Variants in ST3GAL3 observed in about 807,000 individuals in gnomAD.
ST3GAL3 encodes ST3 beta-galactoside alpha-2,3-sialyltransferase 3.
In ST3GAL3, 21 loss-of-function variants were observed where a neutral mutation model predicts 50.1. The ratio of observed to expected loss-of-function variants is 0.42; its 90% CI spans 0.30 to 0.60. The LOEUF (loss-of-function observed/expected upper bound fraction) is 0.60. ST3GAL3 is among the 20% of genes least tolerant of loss of function. ST3GAL3 has a pLI of 0.19. For missense variants in ST3GAL3, 353 were observed against 489.4 expected (o/e 0.72, Z 2.63); for synonymous variants, 183 against 190.0 (o/e 0.96, Z 0.30).
chr1:43,889,472 A>G (rs1235425154), intron 5 of ST3GAL3, among the ~76,000 whole-genome samples: 2 of 152,202 alleles, frequency 1.3e-5, no homozygotes, highest in Admixed American at 6.5e-5. Flanking sequence ...AATGAACCTA[A>G]CTATGTATCA....
chr1:43,825,418 T>C (rs2062658563), intron 4 of ST3GAL3, among the ~76,000 whole-genome samples: 1 of 152,256 alleles, frequency 6.6e-6, no homozygotes, highest in Admixed American at 6.5e-5. Flanking sequence ...ATTTTTTCTC[T>C]AGTTTTTCTT....
Position 43,820,066 on chromosome 1 carries a change from A to G in ST3GAL3, c.209+5133A>G, listed in dbSNP as rs189948706. On this transcript the variant is annotated intron_variant, in intron 4 of 11. Transcript: ENST00000347631. Reference sequence around the variant, plus strand: ...ACATTACTAGACTTCAAACTCTACTATAAGGATATAGTAACTAAACATGAT... The same window carrying G: ...ACATTACTAGACTTCAAACTCTACTGTAAGGATATAGTAACTAAACATGAT... Among the ~76,000 whole-genome samples the G allele has an allele frequency of 9.8e-5, 15 of 152,300 alleles. No individual in the cohort carries two copies. In the East Asian group the frequency reaches 2.7e-3, roughly 27 times the overall value.
intron 5 of ST3GAL3, among the ~76,000 whole-genome samples, chr1:43,868,553 T>C (rs1009981512): frequency 2.0e-5 from 3 of 152,162 alleles, no homozygotes; most frequent in African/African-American, 7.2e-5. Flanking sequence ...ACCCTGGGCA[T>C]ACGCAAAGCA....
chr1:43,716,899 T>C (rs956124952), intron 1 of ST3GAL3, among the ~76,000 whole-genome samples: 1 of 152,232 alleles, frequency 6.6e-6, no homozygotes, highest in Non-Finnish European at 1.5e-5. Flanking sequence ...CCTGGGCTGT[T>C]ATAATGGCTT....
chr1:43,785,550 G>A (rs1460464501), intron 2 of ST3GAL3, among the ~76,000 whole-genome samples: 1 of 152,214 alleles, frequency 6.6e-6, no homozygotes, highest in Non-Finnish European at 1.5e-5. Flanking sequence ...GGGATAGCTG[G>A]TTTTCACAGA....
chr1:43,847,858 C>T (rs948640220), intron 5 of ST3GAL3, among the ~76,000 whole-genome samples: 1 of 152,096 alleles, frequency 6.6e-6, no homozygotes, highest in South Asian at 2.1e-4. Flanking sequence ...TATTTACTCA[C>T]AAAGTTTTCT....
chr1:43,882,817 C>T (rs534664797), intron 5 of ST3GAL3, among the ~76,000 whole-genome samples: 1 of 152,276 alleles, frequency 6.6e-6, no homozygotes, highest in African/African-American at 2.4e-5. Flanking sequence ...CTGTTCTGGG[C>T]TTGCATGGTT....
intron 5 of ST3GAL3, among the ~76,000 whole-genome samples, chr1:43,863,199 G>A (rs527580466): frequency 1.7e-4 from 26 of 152,294 alleles, no homozygotes; most frequent in Non-Finnish European, 3.2e-4. Context: ...AAGTCAAGTT[G>A]AGAGTGAGAG....
chr1:43,767,957 T>A (rs1315360054), intron 2 of ST3GAL3, among the ~76,000 whole-genome samples: 1 of 151,778 alleles, frequency 6.6e-6, no homozygotes. Context: ...AAATTAGTAA[T>A]CTAAACATCA....
chr1:43,924,368 G>A (rs1014999205), intron 11 of ST3GAL3, among the ~76,000 whole-genome samples: 6 of 152,130 alleles, frequency 3.9e-5, no homozygotes, highest in African/African-American at 9.7e-5. Flanking sequence ...TGGCTTCTAC[G>A]TTTACTTATA....
At chr1:43,869,700 G>A (rs1398635300) in intron 5 of ST3GAL3, among the ~76,000 whole-genome samples, 1 of 152,166 alleles carries the variant, frequency 6.6e-6, no homozygotes, top group Non-Finnish European at 1.5e-5. Flanking sequence ...TCCAAACCAA[G>A]CGTGGCAAGG....
intron 2 of ST3GAL3, among the ~76,000 whole-genome samples, chr1:43,754,732 G>A (rs1238038413): frequency 6.6e-6 from 1 of 152,112 alleles, no homozygotes; most frequent in Non-Finnish European, 1.5e-5. Flanking sequence ...TGAGGCAGGA[G>A]GATGGCTTGG....
chr1:43,919,968 A>G (rs1193800714), intron 9 of ST3GAL3: 2 of 331,880 alleles, frequency 6.0e-6, no homozygotes, highest in East Asian at 7.7e-5. Context: ...GAGCCAGGAG[A>G]GAGCAGCAAG....
chr1:43,913,933 C>G (rs537390162), intron 9 of ST3GAL3: 1 of 152,294 alleles, frequency 6.6e-6, no homozygotes. Context: ...GCTCACCCAC[C>G]GCCATGCAGA....
intron 3 of ST3GAL3, 68 bp downstream of exon 3, chr1:43,792,217 A>T (rs1047558978): frequency 6.3e-7 from 1 of 1,598,372 alleles, no homozygotes; most frequent in African/African-American, 1.3e-5. Flanking sequence ...GTGAAGCCTA[A>T]TCAAGTATGG....
At chr1:43,765,743 CTGTGTGTG>C (rs763910168) in intron 2 of ST3GAL3, among the ~76,000 whole-genome samples, 1 of 140,798 alleles carries the variant, frequency 7.1e-6, no homozygotes, top group Non-Finnish European at 1.6e-5. Context: ...ATGTGTGTGT[CTGTGTGTG>C]TCTGTGTGTG....
chr1:43,850,876 T>A, intron 5 of ST3GAL3: 1 of 1,254,328 alleles, frequency 8.0e-7, no homozygotes. Flanking sequence ...GCAGAGTTGA[T>A]GAGAGACTCC....
At chr1:43,874,690 T>C (rs568133958) in intron 5 of ST3GAL3, among the ~76,000 whole-genome samples, 1 of 152,238 alleles carries the variant, frequency 6.6e-6, no homozygotes, top group South Asian at 2.1e-4. Context: ...GTTACAAATA[T>C]GGGCAGTTCA....
chr1:43,916,911 G>GTGACATTCTT (rs2081911236), intron 9 of ST3GAL3: 1 of 152,292 alleles, frequency 6.6e-6, no homozygotes, highest in East Asian at 1.9e-4. Flanking sequence ...TTTGATAACT[G>GTGACATTCTT]TGACATTCTT....
Sources: gnomAD v4.1 joint callset for allele counts (sites outside exome capture counted in the v4.1 genomes callset) on GRCh38, gnomAD v4.1.1 for gene constraint, MANE v1.5 for transcripts, NCBI Gene and HGNC (gene_info 2026-07-23, HGNC 2026-07-21) for gene names.